Variants in NALF1 observed in about 807,000 individuals in gnomAD.
The protein encoded by NALF1 is NALCN channel auxiliary factor 1.
A neutral mutation model predicts 48.4 loss-of-function variants in NALF1; 3 were observed. The observed-to-expected ratio is 0.06, with a 90% CI of 0.03 to 0.16. The LOEUF is 0.16. NALF1 is among the 10% of genes least tolerant of loss of function. The pLI is 1.00. For synonymous variants in NALF1, 262 were observed against 245.7 expected (o/e 1.07, Z -0.62); for missense variants, 526 against 571.5 (o/e 0.92, Z 0.81).
At chr13:107,238,845 C>A (rs1880406900) in intron 1 of NALF1, among the ~76,000 whole-genome samples, 1 of 152,092 alleles carries the variant, frequency 6.6e-6, no homozygotes, top group African/African-American at 2.4e-5. Flanking sequence ...CTTAGCTTGA[C>A]TTTGAAGAGG....
intron 1 of NALF1, among the ~76,000 whole-genome samples, chr13:107,572,013 C>G (rs1009732673): frequency 6.6e-6 from 1 of 152,080 alleles, no homozygotes; most frequent in Non-Finnish European, 1.5e-5. Flanking sequence ...TTCTAAGGTA[C>G]CTTAGCACGT....
At chr13:107,417,133 A>ATTT (rs1370901376) in intron 1 of NALF1, among the ~76,000 whole-genome samples, 1 of 152,152 alleles carries the variant, frequency 6.6e-6, no homozygotes, top group Non-Finnish European at 1.5e-5. Context: ...CTGTTGTTTA[A>ATTT]CTCTTTAAGT....
At chr13:107,363,676 C>T (rs1883104272) in intron 1 of NALF1, among the ~76,000 whole-genome samples, 1 of 152,154 alleles carries the variant, frequency 6.6e-6, no homozygotes, top group Non-Finnish European at 1.5e-5. Context: ...TTTTGGCTTG[C>T]TTATGTTTAA....
At chr13:107,384,268 C>A (rs1184082918) in intron 1 of NALF1, among the ~76,000 whole-genome samples, 1 of 151,724 alleles carries the variant, frequency 6.6e-6, no homozygotes, top group Non-Finnish European at 1.5e-5. Flanking sequence ...CAAAACAAAA[C>A]AAAACAAAAC....
At chr13:107,544,162 T>C (rs530861735) in intron 1 of NALF1, among the ~76,000 whole-genome samples, 1 of 152,262 alleles carries the variant, frequency 6.6e-6, no homozygotes, top group East Asian at 1.9e-4. Context: ...GCAATCTAAA[T>C]TATGAAATTC....
Position 107,647,079 on chromosome 13 carries a change from T to C in NALF1, c.915+218603A>G, listed in dbSNP as rs112643212. On this transcript the variant is annotated intron_variant, in intron 1 of 2. Coordinates refer to ENST00000375915, the MANE Select transcript of NALF1 (RefSeq NM_001080396.3). ...TTTATAAATCAAAAGTTTGGAAATA[T>C]CCTAAAGAGACTGGTTAAATACATG... 1.6e-3 allele frequency among the ~76,000 whole-genome samples: 236 copies of C among 152,168 alleles called. 2 individuals are homozygous for C. The highest frequency in any genetic ancestry group is 5.2e-3 in the African/African-American group (217 of 41,530).
intron 1 of NALF1, among the ~76,000 whole-genome samples, chr13:107,745,568 G>A (rs1000583659): frequency 2.6e-5 from 4 of 152,014 alleles, no homozygotes; most frequent in East Asian, 3.9e-4. Context: ...AGTGACCTAC[G>A]TTTATTTTTC....
intron 1 of NALF1, among the ~76,000 whole-genome samples, chr13:107,485,098 A>C (rs1005536693): frequency 6.6e-6 from 1 of 152,108 alleles, no homozygotes; most frequent in Admixed American, 6.6e-5. Flanking sequence ...CAAACTTCCT[A>C]AACGTACAGC....
chr13:107,383,986 C>T lies in NALF1; in HGVS notation c.916-173231G>A, dbSNP rs138684260. 2.3e-3 allele frequency among the ~76,000 whole-genome samples: 352 copies of T among 152,258 alleles called. 2 individuals carry two copies. Among genetic ancestry groups the T allele is most frequent in the African/African-American group, 7.9e-3 (328 of 41,530 alleles). On this transcript the variant is annotated intron_variant, in intron 1 of 2. Coordinates refer to ENST00000375915, the MANE Select transcript of NALF1 (RefSeq NM_001080396.3). ...GCATTAAGCCAGGTTTGGTGGTTCA[C>T]ACCTGTAACCCCAGCACTTTGGGAG...
intron 1 of NALF1, among the ~76,000 whole-genome samples, chr13:107,537,422 A>G (rs2139115126): frequency 6.6e-6 from 1 of 152,266 alleles, no homozygotes; most frequent in African/African-American, 2.4e-5. Context: ...CATCATGCCA[A>G]TGAAGGATAT....
intron 1 of NALF1, among the ~76,000 whole-genome samples, chr13:107,428,178 T>G (rs1262514173): frequency 2.6e-5 from 4 of 152,174 alleles, no homozygotes; most frequent in African/African-American, 9.6e-5. Context: ...AGCAGGGCCC[T>G]ATTTCAAGCC....
intron 1 of NALF1, among the ~76,000 whole-genome samples, chr13:107,246,542 G>T (rs754751605): frequency 3.7e-4 from 57 of 152,228 alleles, no homozygotes; most frequent in Non-Finnish European, 6.0e-4. Flanking sequence ...AGGGTGAGAG[G>T]CCACACAGCA....
At chr13:107,846,325 G>T (rs1880171165) in intron 1 of NALF1, among the ~76,000 whole-genome samples, 1 of 152,172 alleles carries the variant, frequency 6.6e-6, no homozygotes, top group African/African-American at 2.4e-5. Flanking sequence ...GTATACAGAG[G>T]CACTGCTGAA....
At chr13:107,221,715 G>T (rs1879997527) in intron 1 of NALF1, among the ~76,000 whole-genome samples, 1 of 152,196 alleles carries the variant, frequency 6.6e-6, no homozygotes, top group African/African-American at 2.4e-5. Context: ...CTCAGAGAAT[G>T]TAAGCAATAT....
intron 1 of NALF1, among the ~76,000 whole-genome samples, chr13:107,613,513 T>C: frequency 6.6e-6 from 1 of 152,206 alleles, no homozygotes; most frequent in East Asian, 1.9e-4. Context: ...ATGGAGTGAT[T>C]GAAATTAAAG....
In NALF1 at chr13:107,582,085, A is replaced by G. The variant is rs1050886828; in HGVS notation, c.915+283597T>C. Among the ~76,000 whole-genome samples, 49 of 152,150 alleles carry G rather than the reference A, an allele frequency of 3.2e-4. 2 individuals are homozygous for G. The highest frequency in any genetic ancestry group is 7.3e-5 in the Non-Finnish European group (5 of 68,038). On this transcript the variant is annotated intron_variant, in intron 1 of 2. Transcript: ENST00000375915. The stretch of plus-strand genomic sequence containing the variant: ...GGTTGCTTAGCCAAAATCTCTGGAT[A>G]TGAAACACATTATCTACACTATATA...
chr13:107,644,663 A>ATATATATG (rs1880263540), intron 1 of NALF1, among the ~76,000 whole-genome samples: 1 of 146,924 alleles, frequency 6.8e-6, no homozygotes, highest in Admixed American at 6.9e-5. Context: ...ATATATATAT[A>ATATATATG]TATGCTTTCA....
At chr13:107,361,071 T>C (rs992050253) in intron 1 of NALF1, among the ~76,000 whole-genome samples, 1 of 152,186 alleles carries the variant, frequency 6.6e-6, no homozygotes, top group African/African-American at 2.4e-5. Flanking sequence ...CTTACACATA[T>C]AAAGATTTTA....
chr13:107,332,099 G>A (rs1882479492), intron 1 of NALF1, among the ~76,000 whole-genome samples: 1 of 152,282 alleles, frequency 6.6e-6, no homozygotes, highest in Non-Finnish European at 1.5e-5. Context: ...TCTGATATTA[G>A]GTCTTTGCAA....
Sources: gnomAD v4.1 joint callset for allele counts (sites outside exome capture counted in the v4.1 genomes callset) on GRCh38, gnomAD v4.1.1 for gene constraint, MANE v1.5 for transcripts, NCBI Gene and HGNC (gene_info 2026-07-23, HGNC 2026-07-21) for gene names.